The following LARGE1 variants were observed in gnomAD, a reference collection of about 807,000 sequenced individuals.
The protein encoded by LARGE1 is LARGE xylosyl- and glucuronyltransferase 1, also known as xylosyl- and glucuronyltransferase LARGE1.
Under a neutral mutation model 87.6 loss-of-function variants are expected in LARGE1, and 43 were observed. The observed-to-expected ratio is 0.49, with a 90% confidence interval of 0.38 to 0.63. The LOEUF is 0.63. LARGE1 is among the 30% of genes least tolerant of loss of function. The pLI is 0.00. For missense variants in LARGE1, 802 were observed against 1,000.2 expected (o/e 0.80, Z 2.67); for synonymous variants, 434 against 394.6 (o/e 1.10, Z -1.18).
chr22:33,618,408 G>A lies in LARGE1; in HGVS notation c.491+7836C>T, dbSNP rs142639851. ...TGAACAAACTATTTAACTTCCCTGAGCCTTGGTTTCCTCATCTGTTTATGG... is the reference window on the plus strand; with the variant it reads ...TGAACAAACTATTTAACTTCCCTGAACCTTGGTTTCCTCATCTGTTTATGG... On this transcript the variant is annotated intron_variant, in intron 4 of 14. Coordinates refer to ENST00000397394, the MANE Select transcript of LARGE1 (RefSeq NM_133642.5). 5.3e-5 allele frequency among the ~76,000 whole-genome samples: 8 copies of A among 152,310 alleles called. No individual in the cohort carries two copies. The East Asian group carries it at 1.5e-3, about 29-fold the overall frequency.
intron 1 of LARGE1, among the ~76,000 whole-genome samples, chr22:33,831,077 C>A (rs73406608): frequency 6.6e-6 from 1 of 151,402 alleles, no homozygotes; most frequent in Non-Finnish European, 1.5e-5. Context: ...CACATATTAG[C>A]AGATATTATT....
chr22:33,837,491 G>A (rs2063145116), intron 1 of LARGE1, among the ~76,000 whole-genome samples: 1 of 152,178 alleles, frequency 6.6e-6, no homozygotes, highest in African/African-American at 2.4e-5. Flanking sequence ...AGTGGAGAGA[G>A]ACCAGGACCA....
chr22:33,104,933 T>TTC, the LARGE1 span, among the ~76,000 whole-genome samples: 1 of 119,412 alleles, frequency 8.4e-6, no homozygotes, highest in Non-Finnish European at 1.8e-5. Context: ...CTTTCTTTCT[T>TTC]TCTTTCTTTC....
intron 6 of LARGE1, among the ~76,000 whole-genome samples, chr22:33,549,790 A>G (rs1258178084): frequency 1.3e-5 from 2 of 152,222 alleles, no homozygotes; most frequent in African/African-American, 4.8e-5. Flanking sequence ...CCCTGTGTCC[A>G]AGTGTTCTCA....
At chr22:33,347,429 TC>T (rs1939888430) in intron 9 of LARGE1, among the ~76,000 whole-genome samples, 1 of 152,198 alleles carries the variant, frequency 6.6e-6, no homozygotes, top group South Asian at 2.1e-4. Flanking sequence ...TTCTCAATAA[TC>T]CTCACATTTT....
At chr22:33,545,517 C>T (rs575266855) in intron 6 of LARGE1, among the ~76,000 whole-genome samples, 5 of 152,234 alleles carry the variant, frequency 3.3e-5, no homozygotes, top group Non-Finnish European at 5.9e-5. Context: ...TCTCAGCTCA[C>T]TGCAACCTCC....
chr22:33,513,185 T>G (rs566677803), intron 6 of LARGE1, among the ~76,000 whole-genome samples: 2 of 152,176 alleles, frequency 1.3e-5, no homozygotes, highest in Non-Finnish European at 2.9e-5. Context: ...GAAGCCCTTT[T>G]GCAGAAAAGG....
chr22:33,646,249 G>C (rs1043006412), intron 3 of LARGE1, among the ~76,000 whole-genome samples: 1 of 152,144 alleles, frequency 6.6e-6, no homozygotes, highest in Non-Finnish European at 1.5e-5. Flanking sequence ...GGAATACTAT[G>C]CGGCCATAAA....
intron 9 of LARGE1, among the ~76,000 whole-genome samples, chr22:33,341,677 T>A (rs1416180425): frequency 2.0e-5 from 3 of 151,858 alleles, no homozygotes; most frequent in Non-Finnish European, 4.4e-5. Flanking sequence ...GTAGCCAGAG[T>A]AAGAACTATG....
chr22:33,629,108 T>C (rs1480488269), intron 3 of LARGE1, among the ~76,000 whole-genome samples: 2 of 152,158 alleles, frequency 1.3e-5, no homozygotes, highest in Non-Finnish European at 2.9e-5. Context: ...TCTCCACCTG[T>C]AAAAGAAAGA....
intron 4 of LARGE1, among the ~76,000 whole-genome samples, chr22:33,620,970 G>C (rs494959): frequency 0.75 from 113,212 of 151,730 alleles, 42,491 homozygotes; most frequent in African/African-American, 0.83. Flanking sequence ...CCAAACACAA[G>C]ACGCAAAAGT....
At chr22:33,167,948 C>T (rs1922360875) in intron 11 of LARGE1, among the ~76,000 whole-genome samples, 1 of 152,188 alleles carries the variant, frequency 6.6e-6, no homozygotes, top group African/African-American at 2.4e-5. Flanking sequence ...TGATGCTTTC[C>T]ACCCACCCTC....
At chr22:33,835,038 C>T (rs370024887) in intron 1 of LARGE1, among the ~76,000 whole-genome samples, 2 of 152,178 alleles carry the variant, frequency 1.3e-5, no homozygotes, top group Admixed American at 1.3e-4. Context: ...TAACCATGTT[C>T]AGAGAAATGG....
intron 10 of LARGE1, among the ~76,000 whole-genome samples, chr22:33,336,996 G>C (rs1467745901): frequency 6.6e-6 from 1 of 151,622 alleles, no homozygotes; most frequent in African/African-American, 2.4e-5. Context: ...GGGAGGCAGA[G>C]GTTGCAGTGA....
intron 9 of LARGE1, among the ~76,000 whole-genome samples, chr22:33,342,316 G>C (rs1939245063): frequency 6.6e-6 from 1 of 152,190 alleles, no homozygotes; most frequent in Non-Finnish European, 1.5e-5. Flanking sequence ...TAAGTGAAAA[G>C]AAGGGCTGGC....
At chr22:33,218,247 T>C (rs939947823) in intron 11 of LARGE1, among the ~76,000 whole-genome samples, 1 of 152,136 alleles carries the variant, frequency 6.6e-6, no homozygotes, top group African/African-American at 2.4e-5. Flanking sequence ...TTCTTAATTA[T>C]CTTCTTGAAT....
chr22:33,879,610 C>G (rs140360298), intron 1 of LARGE1, among the ~76,000 whole-genome samples: 4 of 152,340 alleles, frequency 2.6e-5, no homozygotes, highest in Admixed American at 1.3e-4. Flanking sequence ...TCGACTTATT[C>G]TGGCAGGTCT....
intron 1 of LARGE1, among the ~76,000 whole-genome samples, chr22:33,907,444 T>C (rs954201996): frequency 6.6e-6 from 1 of 152,204 alleles, no homozygotes; most frequent in Non-Finnish European, 1.5e-5. Context: ...TGACTGCCAT[T>C]CTGCATCTGG....
At chr22:33,269,439 C>A (rs1928128625), downstream of LARGE1, among the ~76,000 whole-genome samples, 1 of 152,122 alleles carries the variant, frequency 6.6e-6, no homozygotes, top group Non-Finnish European at 1.5e-5. Flanking sequence ...ATAATGTCCA[C>A]CAATGAGTAG....
Sources: allele counts gnomAD v4.1 joint callset (sites outside exome capture counted in the v4.1 genomes callset), GRCh38; gene constraint gnomAD v4.1.1; transcripts MANE v1.5; gene names NCBI Gene and HGNC (gene_info 2026-07-23, HGNC 2026-07-21).